The following PRDM16 variants were observed in gnomAD, a reference collection of about 807,000 sequenced individuals.
The protein encoded by PRDM16 is histone-lysine N-methyltransferase PRDM16.
Under a neutral mutation model 110.6 loss-of-function variants are expected in PRDM16, and 23 were observed. The observed-to-expected ratio is 0.21, with a 90% CI of 0.15 to 0.29. The LOEUF is 0.29. Ranked by LOEUF, PRDM16 falls within the 10% of genes least tolerant of loss-of-function variation. The probability of loss-of-function intolerance (pLI) is 1.00; values close to 1 mark genes in which losing one functional copy is unlikely to be tolerated. For missense variants in PRDM16, 1,615 were observed against 1,794.3 expected, an observed-to-expected ratio of 0.90 and a Z score of 1.81; for synonymous variants, 799 against 781.8, an observed-to-expected ratio of 1.02 and a Z score of -0.37.
chr1:3,365,423 G>A (rs901025532), intron 3 of PRDM16, among the ~76,000 whole-genome samples: 4 of 152,208 alleles, frequency 2.6e-5, no homozygotes, highest in Admixed American at 6.5e-5. Context: ...GCAGTGAGGA[G>A]GGGACCTCCT....
At chr1:3,291,578 C>G (rs975769265) in intron 3 of PRDM16, among the ~76,000 whole-genome samples, 9 of 152,340 alleles carry the variant, frequency 5.9e-5, no homozygotes, top group African/African-American at 2.2e-4. Context: ...CCGCCCCTGC[C>G]CATCCCCTCT....
intron 3 of PRDM16, among the ~76,000 whole-genome samples, chr1:3,324,124 T>C (rs1445760419): frequency 6.6e-6 from 1 of 151,894 alleles, no homozygotes; most frequent in African/African-American, 2.4e-5. Context: ...TGGTGTAGCC[T>C]TGATGCCGCC....
intron 3 of PRDM16, among the ~76,000 whole-genome samples, chr1:3,336,300 GTGTC>G (rs1192746710): frequency 3.9e-5 from 6 of 152,224 alleles, no homozygotes; most frequent in African/African-American, 7.2e-5. Flanking sequence ...GAGCACGTGT[GTGTC>G]TGTGGCTGTT....
intron 3 of PRDM16, among the ~76,000 whole-genome samples, chr1:3,323,451 C>T (rs1641809278): frequency 6.6e-6 from 1 of 152,234 alleles, no homozygotes; most frequent in Admixed American, 6.5e-5. Context: ...TGCCTGGCCC[C>T]TGCCTCAGGA....
chr1:3,405,984 G>A (rs987771050), intron 8 of PRDM16, among the ~76,000 whole-genome samples: 3 of 152,096 alleles, frequency 2.0e-5, no homozygotes, highest in Admixed American at 6.5e-5. Flanking sequence ...TGCTACTCCC[G>A]TCCCCCGAAC....
Position 3,147,039 on chromosome 1 carries a change from GGT to G in PRDM16, c.38-39078_38-39077del, listed in dbSNP as rs1341320982. On this transcript the variant is annotated intron_variant, in intron 1 of 16. Transcript: ENST00000270722. Reference sequence around the variant, plus strand: ...ATGCGCACGTGTGTGCTCGGTGTGGGGTGTGTGTGCACGTGTGTGCTCAGTGT... The same window carrying G: ...ATGCGCACGTGTGTGCTCGGTGTGGGGTGTGTGCACGTGTGTGCTCAGTGT... Among the ~76,000 whole-genome samples the G allele has an allele frequency of 4.5e-5, 6 of 132,792 alleles. No homozygotes were observed. The East Asian group carries it at 7.5e-4, about 17-fold the overall frequency. The allele number at this position is 132,792 out of a possible 152,430, so 87.1% of individuals were successfully genotyped here.
chr1:3,318,555 C>G (rs900536685), intron 3 of PRDM16, among the ~76,000 whole-genome samples: 6 of 152,140 alleles, frequency 3.9e-5, no homozygotes, highest in African/African-American at 7.2e-5. Flanking sequence ...AATTAGCTAT[C>G]TATTGATCAT....
At chr1:3,237,197 G>A (rs1397992914) in intron 2 of PRDM16, among the ~76,000 whole-genome samples, 1 of 152,056 alleles carries the variant, frequency 6.6e-6, no homozygotes, top group Non-Finnish European at 1.5e-5. Context: ...GAGAGCCCCT[G>A]CCTGAGTGAA....
rs1638866555 is a variant in PRDM16 at position 3,434,921 on chromosome 1, G to A, written c.*1110G>A. The A allele has an allele frequency of 4.3e-6, 1 of 231,290 alleles. No homozygotes were observed. Among genetic ancestry groups the A allele is most frequent in the Admixed American group, 5.6e-5 (1 of 17,700 alleles). 14.3% of individuals were successfully genotyped at this position (231,290 alleles called of 1,614,324 possible). A position where few individuals can be genotyped will look rare whatever the true frequency, so the allele number is the denominator to read the frequency against. On this transcript the variant is annotated 3_prime_UTR_variant, in exon 17 of 17. Coordinates refer to ENST00000270722, the MANE Select transcript of PRDM16 (RefSeq NM_022114.4). Reference sequence around the variant, plus strand: ...CGGTGTCCTCCACGTGGCTGCCCTGGGGAGCAATCCCAGCGGATCGCTCCG... The same window carrying A: ...CGGTGTCCTCCACGTGGCTGCCCTGAGGAGCAATCCCAGCGGATCGCTCCG...
Position 3,433,698 on chromosome 1 carries a change from C to G in PRDM16, c.3718C>G (p.Leu1240Val). ...KNQAYAMMLS[L>V]SEDTPLHTPS... ...CCAGGCATATGCAATGATGCTGTCC[C>G]TTTCCGAAGACACTCCTCTCCACAC... The change falls in exon 17 of 17, where the codon CTT becomes GTT. Residue 1240 changes from leucine to valine, a missense_variant. Transcript: ENST00000270722. The G allele has an allele frequency of 6.2e-7, 1 of 1,613,944 alleles. No individual in the cohort carries two copies. Among genetic ancestry groups the G allele is most frequent in the Non-Finnish European group, 8.5e-7 (1 of 1,179,900 alleles).
At chr1:3,327,454 G>A (rs1031802719) in intron 3 of PRDM16, among the ~76,000 whole-genome samples, 8 of 152,092 alleles carry the variant, frequency 5.3e-5, no homozygotes, top group Non-Finnish European at 7.4e-5. Flanking sequence ...ACCCAGAGGC[G>A]TTGTCTTTCA....
Position 3,175,095 on chromosome 1 carries a change from A to G in PRDM16, c.38-11030A>G, listed in dbSNP as rs1033110647. ...TAGCACCATTTCCTGGAGTTACGACAGCTTTGTTCTTGTCTCAAAGCCAAG... is the reference window on the plus strand; with the variant it reads ...TAGCACCATTTCCTGGAGTTACGACGGCTTTGTTCTTGTCTCAAAGCCAAG... On this transcript the variant is annotated intron_variant, in intron 1 of 16. Transcript: ENST00000270722. The surrounding 1 kb of genome is among the most constrained non-coding windows in gnomAD (Gnocchi z 4.8). Among the ~76,000 whole-genome samples, 2 of 152,208 alleles carry G rather than the reference A, an allele frequency of 1.3e-5. No homozygotes were observed. Among genetic ancestry groups the G allele is most frequent in the Non-Finnish European group, 2.9e-5 (2 of 68,052 alleles).
At chr1:3,114,587 AAC>A (rs1176530000) in intron 1 of PRDM16, among the ~76,000 whole-genome samples, 19 of 151,562 alleles carry the variant, frequency 1.3e-4, no homozygotes, top group African/African-American at 3.1e-4. Flanking sequence ...CACACACAAG[AAC>A]ACACGTGCAC....
chr1:3,219,988 G>T (rs1343671312), intron 2 of PRDM16, among the ~76,000 whole-genome samples: 2 of 152,150 alleles, frequency 1.3e-5, no homozygotes, highest in African/African-American at 2.4e-5. Context: ...GATGTTTGGC[G>T]CTGAGGTAAT....
intron 16 of PRDM16, among the ~76,000 whole-genome samples, chr1:3,432,784 G>A (rs544706478): frequency 1.3e-5 from 2 of 152,292 alleles, no homozygotes; most frequent in South Asian, 4.1e-4. Flanking sequence ...ATTCTGTCTG[G>A]AGTGTTAACT....
At chr1:3,238,643 T>C (rs1440672799) in intron 2 of PRDM16, among the ~76,000 whole-genome samples, 1 of 152,238 alleles carries the variant, frequency 6.6e-6, no homozygotes, top group African/African-American at 2.4e-5. Flanking sequence ...TTCACGGTTC[T>C]TGCGGGAGCT....
intron 3 of PRDM16, among the ~76,000 whole-genome samples, chr1:3,345,300 G>A (rs1308816672): frequency 6.6e-6 from 1 of 152,108 alleles, no homozygotes; most frequent in African/African-American, 2.4e-5. Context: ...TTTTCCAAGT[G>A]TATCATTGTT....
chr1:3,131,076 G>A (rs556798283), intron 1 of PRDM16, among the ~76,000 whole-genome samples: 6 of 152,162 alleles, frequency 3.9e-5, no homozygotes, highest in African/African-American at 9.7e-5. Context: ...TTCTGGCCAC[G>A]CCATGGTGTG....
chr1:3,184,206 A>G (rs1644242530), intron 1 of PRDM16, among the ~76,000 whole-genome samples: 1 of 152,220 alleles, frequency 6.6e-6, no homozygotes, highest in East Asian at 1.9e-4. Flanking sequence ...AATGCTGATC[A>G]ATTAAATAAG....
Sources: gnomAD v4.1 joint callset for allele counts (sites outside exome capture counted in the v4.1 genomes callset) on GRCh38, gnomAD v4.1.1 for gene constraint, Gnocchi (gnomAD v3.1) non-coding constraint, MANE v1.5 for transcripts, NCBI Gene and HGNC (gene_info 2026-07-23, HGNC 2026-07-21) for gene names.